Variants in PRMT8 observed in about 807,000 individuals in gnomAD.
PRMT8 encodes protein arginine N-methyltransferase 8.
A neutral mutation model predicts 47.1 loss-of-function variants in PRMT8; 7 were observed. The observed-to-expected ratio is 0.15, with a 90% CI of 0.08 to 0.28. PRMT8 has a LOEUF of 0.28. Among genes scored for constraint, PRMT8 ranks in the 10% least tolerant of loss-of-function variants. PRMT8 has a pLI of 1.00. For missense variants in PRMT8, 237 were observed against 505.4 expected (o/e 0.47, Z 5.09); for synonymous variants, 188 against 186.5 (o/e 1.01, Z -0.07).
At chr12:3,536,340 C>A (rs1866117718) in intron 1 of PRMT8, among the ~76,000 whole-genome samples, 1 of 152,196 alleles carries the variant, frequency 6.6e-6, no homozygotes, top group African/African-American at 2.4e-5. Context: ...GTCCCCATGA[C>A]CTGTGGCTAT....
intron 1 of PRMT8, among the ~76,000 whole-genome samples, chr12:3,534,970 G>C (rs181214714): frequency 6.6e-6 from 1 of 152,232 alleles, no homozygotes; most frequent in Non-Finnish European, 1.5e-5. Flanking sequence ...AGGATTTCAC[G>C]AGATGGTGTC....
intron 1 of PRMT8, among the ~76,000 whole-genome samples, chr12:3,428,776 C>T (rs1254798268): frequency 6.6e-6 from 1 of 151,676 alleles, no homozygotes; most frequent in Non-Finnish European, 1.5e-5. Context: ...CTCTTTCTCT[C>T]TCTCTCTCTT....
chr12:3,578,623 A>G (rs17697198), intron 7 of PRMT8, among the ~76,000 whole-genome samples: 19,109 of 152,218 alleles, frequency 0.13, 1,377 homozygotes, highest in Middle Eastern at 0.28. Flanking sequence ...TTCTGAAAGT[A>G]TCGGGGCAGG....
At chr12:3,387,535 C>A (rs2137043890) in intron 1 of PRMT8, among the ~76,000 whole-genome samples, 1 of 152,202 alleles carries the variant, frequency 6.6e-6, no homozygotes, top group African/African-American at 2.4e-5. Context: ...AAGGCAGACA[C>A]TGAGAGGTGG....
intron 1 of PRMT8, among the ~76,000 whole-genome samples, chr12:3,435,475 T>C (rs1344418983): frequency 6.6e-6 from 1 of 151,934 alleles, no homozygotes; most frequent in Non-Finnish European, 1.5e-5. Flanking sequence ...CCAAGTGCCA[T>C]ATGGCTGTAG....
chr12:3,549,868 C>T, intron 2 of PRMT8, 68 bp from the exon 3 acceptor site: 1 of 1,571,470 alleles, frequency 6.4e-7, no homozygotes. Context: ...TCCAGGGGCT[C>T]ATAGCCATGG....
chr12:3,582,614 C>A (rs560242990), intron 7 of PRMT8, among the ~76,000 whole-genome samples: 3 of 152,252 alleles, frequency 2.0e-5, no homozygotes, highest in East Asian at 3.9e-4. Flanking sequence ...GGTCTGCCCC[C>A]CTCAGAATTT....
rs139892060 is a variant in PRMT8, at chr12:3,520,439, C to T, written c.76-20167C>T. Among the ~76,000 whole-genome samples, 727 of 152,348 alleles carry T rather than the reference C, an allele frequency of 4.8e-3. 8 individuals are homozygous for T. The highest frequency in any genetic ancestry group is 0.016 in the African/African-American group (663 of 41,588). On this transcript the variant is annotated intron_variant, in intron 1 of 9. Coordinates refer to ENST00000382622, the MANE Select transcript of PRMT8 (RefSeq NM_019854.5). ...AGCTGTTCAGTCCCTTGCCTCCCCA[C>T]GTTTCCCAGTGCACCCTGGAAAGGT...
chr12:3,547,495 G>C (rs1253284499), intron 2 of PRMT8, among the ~76,000 whole-genome samples: 2 of 151,882 alleles, frequency 1.3e-5, no homozygotes, highest in Admixed American at 6.6e-5. Flanking sequence ...TAGTTGAATG[G>C]GGCCAGGCAT....
At chr12:3,435,017 G>A (rs1210686595) in intron 1 of PRMT8, among the ~76,000 whole-genome samples, 2 of 148,082 alleles carry the variant, frequency 1.4e-5, no homozygotes, top group Admixed American at 6.7e-5. Context: ...CTCTCAGGCT[G>A]GAGTGCAGGG....
intron 1 of PRMT8, among the ~76,000 whole-genome samples, chr12:3,532,092 A>G (rs879786235): frequency 6.6e-6 from 1 of 152,120 alleles, no homozygotes; most frequent in African/African-American, 2.4e-5. Context: ...GACGGCCGAC[A>G]TGGATTATAA....
intron 1 of PRMT8, among the ~76,000 whole-genome samples, chr12:3,457,875 G>T (rs1284980328): frequency 9.8e-6 from 1 of 101,704 alleles, no homozygotes; most frequent in Non-Finnish European, 1.8e-5. Context: ...TTAAGACAGC[G>T]TTCTGTTGCC....
chr12:3,411,640 G>A (rs1033207439), intron 1 of PRMT8, among the ~76,000 whole-genome samples: 11 of 152,204 alleles, frequency 7.2e-5, no homozygotes, highest in African/African-American at 2.7e-4. Flanking sequence ...ACATGTAGAT[G>A]ATATTTGGAG....
rs58878556 is a variant in PRMT8, at chr12:3,467,365, C to T, written c.49-73241C>T. On this transcript the variant is annotated intron_variant, in intron 1 of 9. Transcript: ENST00000452611. Reference sequence around the variant, plus strand: ...AAAAGCCACTTCCGATGAAGAAGGTCGCACAGACACCCGAGCAGTCTGAGA... The same window carrying T: ...AAAAGCCACTTCCGATGAAGAAGGTTGCACAGACACCCGAGCAGTCTGAGA... 6.0e-3 allele frequency among the ~76,000 whole-genome samples: 916 copies of T among 151,804 alleles called. 8 individuals are homozygous for T. Among genetic ancestry groups the T allele is most frequent in the African/African-American group, 0.021 (858 of 41,380 alleles).
At chr12:3,397,328 C>T (rs575304109) in intron 1 of PRMT8, among the ~76,000 whole-genome samples, 7,789 of 151,756 alleles carry the variant, frequency 0.051, 645 homozygotes, top group African/African-American at 0.17. Context: ...TGTTTTTTCC[C>T]CATCTTTGTG....
At chr12:3,586,334 G>T (rs1336730261) in intron 8 of PRMT8, among the ~76,000 whole-genome samples, 1 of 152,144 alleles carries the variant, frequency 6.6e-6, no homozygotes, top group Admixed American at 6.5e-5. Context: ...CTAACCCAGT[G>T]GCTTTCCTTC....
At chr12:3,568,886 G>T (rs199642760) in intron 5 of PRMT8, 38 bp downstream of exon 5, 4 of 1,611,774 alleles carry the variant, frequency 2.5e-6, no homozygotes, top group Non-Finnish European at 3.4e-6. Flanking sequence ...TTGGCCGGCT[G>T]GCTGTCCTGC....
At chr12:3,397,738 C>T (rs1009092868) in intron 1 of PRMT8, among the ~76,000 whole-genome samples, 1 of 152,056 alleles carries the variant, frequency 6.6e-6, no homozygotes, top group Non-Finnish European at 1.5e-5. Context: ...GTGGGCTCCC[C>T]CCAGTTCGTG....
intron 8 of PRMT8, among the ~76,000 whole-genome samples, chr12:3,590,178 G>T (rs967772150): frequency 6.6e-6 from 1 of 152,202 alleles, no homozygotes; most frequent in Admixed American, 6.5e-5. Flanking sequence ...AAATGTGCAG[G>T]CTGCACTTTC....
Sources: allele counts gnomAD v4.1 joint callset (sites outside exome capture counted in the v4.1 genomes callset), GRCh38; gene constraint gnomAD v4.1.1; transcripts MANE v1.5; gene names NCBI Gene and HGNC (gene_info 2026-07-23, HGNC 2026-07-21).